The following COL24A1 variants were observed in gnomAD, a reference collection of about 807,000 sequenced individuals.
COL24A1 encodes collagen alpha-1(XXIV) chain.
Under a neutral mutation model 253.9 loss-of-function variants are expected in COL24A1, and 224 were observed. The observed-to-expected ratio is 0.88, with a 90% CI of 0.79 to 0.99. COL24A1 has a LOEUF of 0.99. COL24A1 is among the 50% of genes least tolerant of loss of function. COL24A1 has a pLI of 0.00. For synonymous variants in COL24A1, 685 were observed against 673.7 expected (o/e 1.02, Z -0.26); for missense variants, 2,131 against 2,068.5 (o/e 1.03, Z -0.59).
At chr1:85,873,895 G>A (rs1680837521) in intron 35 of COL24A1, among the ~76,000 whole-genome samples, 1 of 151,598 alleles carries the variant, frequency 6.6e-6, no homozygotes, top group Non-Finnish European at 1.5e-5. Flanking sequence ...TTGCAGAAAT[G>A]TAGAGCCATA....
intron 47 of COL24A1, among the ~76,000 whole-genome samples, chr1:85,791,389 T>A (rs1670257562): frequency 6.6e-6 from 1 of 152,176 alleles, no homozygotes; most frequent in South Asian, 2.1e-4. Context: ...TGGATTCTGC[T>A]AAGATACAAT....
chr1:85,770,379 A>C (rs900635362), intron 53 of COL24A1, among the ~76,000 whole-genome samples: 3 of 151,766 alleles, frequency 2.0e-5, no homozygotes, highest in Non-Finnish European at 4.4e-5. Flanking sequence ...GCTATATTTA[A>C]GTTTATTCTC....
intron 24 of COL24A1, among the ~76,000 whole-genome samples, chr1:85,918,368 T>A (rs1686112541): frequency 6.6e-6 from 1 of 152,198 alleles, no homozygotes; most frequent in Admixed American, 6.5e-5. Flanking sequence ...CACTATTTCT[T>A]ACCCACCTAT....
At chr1:85,880,047 A>G (rs1408310407) in intron 32 of COL24A1, among the ~76,000 whole-genome samples, 1 of 152,222 alleles carries the variant, frequency 6.6e-6, no homozygotes, top group Admixed American at 6.5e-5. Flanking sequence ...ATCTGTTAAT[A>G]TCTACAATGT....
intron 5 of COL24A1, among the ~76,000 whole-genome samples, chr1:86,101,178 A>C (rs773977302): frequency 4.4e-4 from 67 of 152,134 alleles, no homozygotes; most frequent in Non-Finnish European, 7.6e-4. Context: ...TTGCATATCC[A>C]ACTGGTGTCA....
In COL24A1 at chr1:85,940,825, T is replaced by A. The variant is rs181938383; in HGVS notation, c.2562+20424A>T. Reference sequence around the variant, plus strand: ...TGATCAAGAGAATATGCCTGGAATGTCTACTCAACAGATGCTTTTACTCTC... The same window carrying A: ...TGATCAAGAGAATATGCCTGGAATGACTACTCAACAGATGCTTTTACTCTC... On this transcript the variant is annotated intron_variant, in intron 24 of 59. Transcript: ENST00000370571. Among the ~76,000 whole-genome samples, 8 of 152,306 alleles carry A rather than the reference T, an allele frequency of 5.3e-5. No homozygotes were observed. The East Asian group carries it at 1.5e-3, about 29-fold the overall frequency.
At chr1:85,732,941 C>T (rs955368951) in intron 59 of COL24A1, among the ~76,000 whole-genome samples, 2 of 152,080 alleles carry the variant, frequency 1.3e-5, no homozygotes, top group African/African-American at 2.4e-5. Context: ...CCAGTGAAAG[C>T]CCAATCTAGA....
In COL24A1 at chr1:85,731,970, C is replaced by T. The variant is rs139827563; in HGVS notation, c.4999-1278G>A. ...ATATACACACACACAACAACCACCA[C>T]AAAAAACTAAAAAACAGAAGGGCAA... On this transcript the variant is annotated intron_variant, in intron 59 of 59. Coordinates refer to ENST00000370571, the MANE Select transcript of COL24A1 (RefSeq NM_152890.7). 3.5e-3 allele frequency among the ~76,000 whole-genome samples: 533 copies of T among 152,086 alleles called. 3 individuals are homozygous for T. The highest frequency in any genetic ancestry group is 0.012 in the African/African-American group (496 of 41,506).
intron 20 of COL24A1, among the ~76,000 whole-genome samples, chr1:85,972,164 A>C (rs1692232569): frequency 6.6e-6 from 1 of 152,166 alleles, no homozygotes; most frequent in East Asian, 1.9e-4. Flanking sequence ...CTCTTTTTAG[A>C]ATTATAGTTT....
intron 28 of COL24A1, among the ~76,000 whole-genome samples, chr1:85,902,704 G>T (rs1684435800): frequency 1.3e-5 from 2 of 152,150 alleles, no homozygotes; most frequent in South Asian, 4.1e-4. Flanking sequence ...AGCTAAAAAA[G>T]TTCATTTCAT....
In COL24A1 at chr1:85,854,209, A is replaced by G. The variant is rs376385452; in HGVS notation, c.3301-4803T>C. Among the ~76,000 whole-genome samples, 112 of 152,208 alleles carry G rather than the reference A, an allele frequency of 7.4e-4. 4 individuals are homozygous for G. The highest frequency in any genetic ancestry group is 2.6e-3 in the African/African-American group (107 of 41,536). On this transcript the variant is annotated intron_variant, in intron 37 of 59. Coordinates refer to ENST00000370571, the MANE Select transcript of COL24A1 (RefSeq NM_152890.7). ...CTAGCCAGTTATCCCAGCACCATCT[A>G]CTGAATAGGGTAAACTTTCCCCATT...
intron 53 of COL24A1, among the ~76,000 whole-genome samples, chr1:85,768,184 A>G (rs1304706791): frequency 2.6e-5 from 4 of 152,138 alleles, no homozygotes; most frequent in Non-Finnish European, 5.9e-5. Flanking sequence ...CTAAGAATAG[A>G]AAGGAGGTTA....
At chr1:85,989,871 T>C (rs139178893) in intron 19 of COL24A1, among the ~76,000 whole-genome samples, 1 of 152,328 alleles carries the variant, frequency 6.6e-6, no homozygotes, top group African/African-American at 2.4e-5. Flanking sequence ...TGCAAACTTT[T>C]CTTTGACCTC....
intron 53 of COL24A1, among the ~76,000 whole-genome samples, chr1:85,764,163 T>C (rs764904637): frequency 2.0e-5 from 3 of 152,038 alleles, no homozygotes; most frequent in Non-Finnish European, 4.4e-5. Flanking sequence ...GGAGCTTCCA[T>C]TGTAGGATGT....
At chr1:85,800,683 C>G (rs552161579) in intron 47 of COL24A1, among the ~76,000 whole-genome samples, 62 of 152,262 alleles carry the variant, frequency 4.1e-4, no homozygotes, top group African/African-American at 1.4e-3. Context: ...CAACCGTCAT[C>G]CCTGGAAACT....
At chr1:85,764,163 T>A (rs764904637) in intron 53 of COL24A1, among the ~76,000 whole-genome samples, 1 of 152,038 alleles carries the variant, frequency 6.6e-6, no homozygotes, top group Non-Finnish European at 1.5e-5. Context: ...GGAGCTTCCA[T>A]TGTAGGATGT....
intron 24 of COL24A1, among the ~76,000 whole-genome samples, chr1:85,926,173 C>T (rs182611140): frequency 0.011 from 1,672 of 152,276 alleles, 25 homozygotes; most frequent in African/African-American, 0.037. Flanking sequence ...AGTCAGGAAA[C>T]AACAGATGCT....
intron 5 of COL24A1, among the ~76,000 whole-genome samples, chr1:86,103,848 C>A (rs151111522): frequency 3.3e-5 from 5 of 152,186 alleles, no homozygotes; most frequent in East Asian, 1.9e-4. Context: ...GAGAATCTGA[C>A]GATTATGTGT....
At chr1:86,050,247 A>C in intron 10 of COL24A1, 70 bp from the exon 11 acceptor site, 1 of 1,374,338 alleles carries the variant, frequency 7.3e-7, no homozygotes, top group Non-Finnish European at 1.0e-6. Flanking sequence ...TCTGAATAGA[A>C]GTACTTAAAA....
Sources: gnomAD v4.1 joint callset for allele counts (sites outside exome capture counted in the v4.1 genomes callset) on GRCh38, gnomAD v4.1.1 for gene constraint, MANE v1.5 for transcripts, NCBI Gene and HGNC (gene_info 2026-07-23, HGNC 2026-07-21) for gene names.